BCAS3: variants seen among roughly 807,000 people sequenced by gnomAD.
BCAS3 encodes the protein BCAS3 microtubule associated cell migration factor.
A neutral mutation model predicts 116.1 loss-of-function variants in BCAS3; 53 were observed. The observed-to-expected ratio is 0.46, with a 90% CI of 0.37 to 0.57. BCAS3 has a LOEUF of 0.57. Among genes scored for constraint, BCAS3 ranks in the 20% least tolerant of loss-of-function variants. The probability of loss-of-function intolerance (pLI) is 0.00; values close to 1 mark genes in which losing one functional copy is unlikely to be tolerated. For missense variants in BCAS3, 917 were observed against 1,165.4 expected (o/e 0.79, Z 3.10); for synonymous variants, 391 against 408.2 (o/e 0.96, Z 0.51).
At chr17:60,787,733 A>C (rs932609586) in intron 6 of BCAS3, among the ~76,000 whole-genome samples, 2 of 152,168 alleles carry the variant, frequency 1.3e-5, no homozygotes, top group South Asian at 4.1e-4. Context: ...CAAGTGGACT[A>C]TGCAGATCAC....
intron 4 of BCAS3, among the ~76,000 whole-genome samples, chr17:60,699,679 A>G (rs1010245732): frequency 3.3e-5 from 5 of 152,210 alleles, no homozygotes; most frequent in Non-Finnish European, 7.3e-5. Flanking sequence ...CTGATGTATT[A>G]GCCATTTAAT....
chr17:60,751,418 T>C (rs951991324), intron 6 of BCAS3, among the ~76,000 whole-genome samples: 2 of 152,228 alleles, frequency 1.3e-5, no homozygotes, highest in African/African-American at 2.4e-5. Context: ...TAAGTAGCCA[T>C]TTTGGCTTTT....
rs1297629447 is a variant in BCAS3 at position 61,204,638 on chromosome 17, T to G, written c.2425+120074T>G. On this transcript the variant is annotated intron_variant, in intron 22 of 23. Transcript: ENST00000407086. The surrounding 1 kb of genome is among the most constrained non-coding windows in gnomAD (Gnocchi z 4.2). ...TGCCTCTGAAAACACAGTACCAGGG[T>G]TTTTTTGTTTTCGTTTTTCTTTAAA... Among the ~76,000 whole-genome samples, 1 of 152,190 alleles carries G rather than the reference T, an allele frequency of 6.6e-6. No homozygotes were observed. Among genetic ancestry groups the G allele is most frequent in the Non-Finnish European group, 1.5e-5 (1 of 68,030 alleles).
rs749411379 is a variant in BCAS3, at chr17:61,012,825, G to T, written c.1487-2926G>T. 1.3e-5 allele frequency among the ~76,000 whole-genome samples: 2 copies of T among 152,028 alleles called. No homozygotes were observed. The highest frequency in any genetic ancestry group is 2.9e-5 in the Non-Finnish European group (2 of 67,948). On this transcript the variant is annotated intron_variant, in intron 15 of 23. Transcript: ENST00000407086. The surrounding 1 kb of genome is among the most constrained non-coding windows in gnomAD (Gnocchi z 4.5). ...AACCACAGATTTGGAACTTCTCAGTGAATCACTTCATTTTCCTAGACCACT... is the reference window on the plus strand; with the variant it reads ...AACCACAGATTTGGAACTTCTCAGTTAATCACTTCATTTTCCTAGACCACT...
chr17:60,756,310 A>C (rs1395173444), intron 6 of BCAS3, among the ~76,000 whole-genome samples: 1 of 152,108 alleles, frequency 6.6e-6, no homozygotes, highest in Non-Finnish European at 1.5e-5. Flanking sequence ...TTGCTCTCCT[A>C]ATGCTCACCC....
chr17:61,340,888 A>C, intron 22 of BCAS3, among the ~76,000 whole-genome samples: 1 of 152,188 alleles, frequency 6.6e-6, no homozygotes, highest in East Asian at 1.9e-4. Context: ...AAGAGACAAC[A>C]GTCAGTGTGG....
chr17:60,889,377 C>T (rs1302505636), intron 9 of BCAS3, among the ~76,000 whole-genome samples: 2 of 152,148 alleles, frequency 1.3e-5, no homozygotes, highest in Non-Finnish European at 2.9e-5. Context: ...GAATGTTAGA[C>T]TTAAAATGGC....
At chr17:61,306,579 C>T (rs574934546) in intron 22 of BCAS3, among the ~76,000 whole-genome samples, 4 of 152,134 alleles carry the variant, frequency 2.6e-5, no homozygotes, top group African/African-American at 9.7e-5. Flanking sequence ...GAGTTCAAGA[C>T]AAGTCTCGGC....
At position 61,029,324 on chromosome 17, in the gene BCAS3, A is replaced by G. The variant is rs1263330816; in HGVS notation, c.1638-5342A>G. Among the ~76,000 whole-genome samples the G allele has an allele frequency of 2.0e-5, 3 of 151,996 alleles. No individual in the cohort carries two copies. Among genetic ancestry groups the G allele is most frequent in the Admixed American group, 6.6e-5 (1 of 15,250 alleles). On this transcript the variant is annotated intron_variant, in intron 16 of 23. Transcript: ENST00000407086. The surrounding 1 kb of genome is among the most constrained non-coding windows in gnomAD (Gnocchi z 5.2). The stretch of plus-strand genomic sequence containing the variant: ...TTTCAGATGAGTCGTTATAAAATAC[A>G]GTCGTTCCCTTTGGTAACAAAATAA...
intron 5 of BCAS3, among the ~76,000 whole-genome samples, chr17:60,738,341 C>T (rs1019448510): frequency 1.3e-5 from 2 of 152,148 alleles, no homozygotes; most frequent in Non-Finnish European, 2.9e-5. Flanking sequence ...TCATCTCTTT[C>T]TCTTTGTCAA....
rs1014163341 is a variant in BCAS3, at chr17:61,161,780, G to C, written c.2425+77216G>C. Reference sequence around the variant, plus strand: ...ATGGTGCCTGAGTTGCTGTCTGGTTGGTTGAACTCATTCTCCTCAGCTTAT... The same window carrying C: ...ATGGTGCCTGAGTTGCTGTCTGGTTCGTTGAACTCATTCTCCTCAGCTTAT... On this transcript the variant is annotated intron_variant, in intron 22 of 23. Transcript: ENST00000407086. The surrounding 1 kb of genome is among the most constrained non-coding windows in gnomAD (Gnocchi z 4.8). 2.6e-5 allele frequency among the ~76,000 whole-genome samples: 4 copies of C among 152,094 alleles called. No homozygotes were observed. Among genetic ancestry groups the C allele is most frequent in the African/African-American group, 9.7e-5 (4 of 41,396 alleles).
chr17:60,866,200 C>T (rs1052659142), intron 7 of BCAS3, among the ~76,000 whole-genome samples: 3 of 150,986 alleles, frequency 2.0e-5, no homozygotes, highest in African/African-American at 4.9e-5. Context: ...GATGCAATCT[C>T]GGCTCAAGAT....
chr17:60,846,855 A>G (rs2052585251), intron 7 of BCAS3, among the ~76,000 whole-genome samples: 1 of 152,048 alleles, frequency 6.6e-6, no homozygotes, highest in Admixed American at 6.5e-5. Context: ...TTACCATTTT[A>G]AAGTATACAA....
At chr17:61,223,210 T>G (rs2082205786) in intron 22 of BCAS3, among the ~76,000 whole-genome samples, 1 of 123,878 alleles carries the variant, frequency 8.1e-6, no homozygotes, top group African/African-American at 3.2e-5. Context: ...CAGGCTGGAG[T>G]GCAGTGGCGC....
Position 61,141,214 on chromosome 17 carries a change from A to C in BCAS3, c.2425+56650A>C, listed in dbSNP as rs1214455734. On this transcript the variant is annotated intron_variant, in intron 22 of 23. Coordinates refer to ENST00000407086, the MANE Select transcript of BCAS3 (RefSeq NM_017679.5). This position sits in a 1 kb window ranked among gnomAD's most constrained non-coding sequence, Gnocchi z 4.3. ...ATAAATTCTTCAACAAGGGGCCTTT[A>C]CATTCATATGTAGGGCATTTGGTTG... is the stretch of plus-strand genomic sequence containing the variant. Among the ~76,000 whole-genome samples, 1 of 152,164 alleles carries C rather than the reference A, an allele frequency of 6.6e-6. No individual in the cohort carries two copies. The highest frequency in any genetic ancestry group is 1.5e-5 in the Non-Finnish European group (1 of 68,034).
At chr17:60,851,287 G>T (rs1599155095) in intron 7 of BCAS3, 2 of 296,614 alleles carry the variant, frequency 6.7e-6, no homozygotes, top group East Asian at 2.2e-4. Flanking sequence ...TCGGGCTGCA[G>T]GAGGAGTGGC....
rs994479993 is a variant in BCAS3 at position 61,043,309 on chromosome 17, A to C, written c.2029+2417A>C. The stretch of plus-strand genomic sequence containing the variant: ...CTTGAACCTGGGAGGTGAAGGTTGG[A>C]GTGAGCTGAGATGGTGTCACTGCAC... On this transcript the variant is annotated intron_variant, in intron 19 of 23. Transcript: ENST00000407086. 3.3e-5 allele frequency among the ~76,000 whole-genome samples: 5 copies of C among 152,022 alleles called. 1 individual carries two copies. Among genetic ancestry groups the C allele is most frequent in the Non-Finnish European group, 4.4e-5 (3 of 67,956 alleles).
intron 5 of BCAS3, among the ~76,000 whole-genome samples, chr17:60,739,877 G>GTTTTTTTTTT (rs199781421): frequency 6.8e-6 from 1 of 146,036 alleles, no homozygotes; most frequent in African/African-American, 2.7e-5. Context: ...TGTTTTTTTT[G>GTTTTTTTTTT]TTTTTGTTTT....
In BCAS3 at chr17:61,214,386, A is replaced by G. The variant is rs1384586572; in HGVS notation, c.2425+129822A>G. On this transcript the variant is annotated intron_variant, in intron 22 of 23. Transcript: ENST00000407086. This position sits in a 1 kb window ranked among gnomAD's most constrained non-coding sequence, Gnocchi z 4.4. Reference sequence around the variant, plus strand: ...TATCTCAAAAATAAATAAATAAATAAATAAATAAATATTTTAGGCTGGGCG... The same window carrying G: ...TATCTCAAAAATAAATAAATAAATAGATAAATAAATATTTTAGGCTGGGCG... Among the ~76,000 whole-genome samples the G allele has an allele frequency of 6.6e-6, 1 of 151,502 alleles. No individual in the cohort carries two copies. The highest frequency in any genetic ancestry group is 2.4e-5 in the African/African-American group (1 of 41,148).
Sources: gnomAD v4.1 joint callset for allele counts (sites outside exome capture counted in the v4.1 genomes callset) on GRCh38, gnomAD v4.1.1 for gene constraint, Gnocchi (gnomAD v3.1) non-coding constraint, MANE v1.5 for transcripts, NCBI Gene and HGNC (gene_info 2026-07-23, HGNC 2026-07-21) for gene names.